The following LSAMP variants were observed in gnomAD, a reference collection of about 807,000 sequenced individuals.
The protein encoded by LSAMP is limbic system-associated membrane protein.
LSAMP carries 7 observed loss-of-function variants against 38.6 expected under a neutral mutation model. The observed-to-expected ratio is 0.18, with a 90% CI of 0.10 to 0.34. LSAMP has a LOEUF of 0.34. Ranked by LOEUF, LSAMP falls within the 10% of genes least tolerant of loss-of-function variation. The pLI, the probability that LSAMP is intolerant of heterozygous loss-of-function variation, is 1.00. For synonymous variants in LSAMP, 154 were observed against 166.8 expected, an observed-to-expected ratio of 0.92 and a Z score of 0.59; for missense variants, 313 against 420.0, an observed-to-expected ratio of 0.75 and a Z score of 2.23.
intron 3 of LSAMP, among the ~76,000 whole-genome samples, chr3:115,929,208 C>CA (rs1190531362): frequency 6.6e-6 from 1 of 151,520 alleles, no homozygotes; most frequent in Admixed American, 6.6e-5. Context: ...CTAGTCAAAA[C>CA]AAAAAACAAA....
intron 1 of LSAMP, among the ~76,000 whole-genome samples, chr3:116,226,481 T>G (rs1169129915): frequency 1.3e-5 from 2 of 152,204 alleles, no homozygotes; most frequent in Admixed American, 1.3e-4. Flanking sequence ...CAGAAGCTGT[T>G]CTCTGTCAGC....
At chr3:116,352,472 G>A (rs9829157) in intron 1 of LSAMP, among the ~76,000 whole-genome samples, 1 of 151,982 alleles carries the variant, frequency 6.6e-6, no homozygotes, top group Non-Finnish European at 1.5e-5. Flanking sequence ...CTGAGGAAAG[G>A]CAAGCCAACC....
At chr3:115,969,127 A>G (rs1447775473) in intron 3 of LSAMP, among the ~76,000 whole-genome samples, 1 of 152,176 alleles carries the variant, frequency 6.6e-6, no homozygotes. Context: ...CAGTGATATG[A>G]GGATAAAACC....
intron 3 of LSAMP, among the ~76,000 whole-genome samples, chr3:115,934,237 G>GGTGCC (rs1214162700): frequency 6.7e-6 from 1 of 150,042 alleles, no homozygotes; most frequent in Non-Finnish European, 1.5e-5. Context: ...GGAGTGCAGT[G>GGTGCC]GTGCCATCTT....
chr3:116,033,214 T>G (rs1940967821), intron 2 of LSAMP, among the ~76,000 whole-genome samples: 1 of 152,174 alleles, frequency 6.6e-6, no homozygotes, highest in Non-Finnish European at 1.5e-5. Flanking sequence ...GAAATGGTCT[T>G]TCTCCTCTCT....
chr3:116,253,943 T>C (rs1183331393), intron 1 of LSAMP, among the ~76,000 whole-genome samples: 1 of 152,118 alleles, frequency 6.6e-6, no homozygotes, highest in Non-Finnish European at 1.5e-5. Context: ...TCTTCCCAAT[T>C]TAAATACCAT....
chr3:116,176,714 T>C (rs1710353430), intron 1 of LSAMP, among the ~76,000 whole-genome samples: 2 of 152,164 alleles, frequency 1.3e-5, no homozygotes, highest in African/African-American at 2.4e-5. Context: ...ACTCAGTAGA[T>C]ACTTACAGGA....
At chr3:115,967,824 A>T (rs1371168397) in intron 3 of LSAMP, among the ~76,000 whole-genome samples, 1 of 151,858 alleles carries the variant, frequency 6.6e-6, no homozygotes, top group Non-Finnish European at 1.5e-5. Flanking sequence ...GGAAAGGCCT[A>T]CCCCCATCAT....
chr3:115,810,466 T>G, intron 6 of LSAMP, 52 bp from the exon 7 acceptor site: 1 of 1,207,000 alleles, frequency 8.3e-7, no homozygotes, highest in Non-Finnish European at 1.2e-6. Flanking sequence ...ATGGGCCCAC[T>G]GTATGTTATA....
At chr3:116,413,416 T>C (rs1327599344) in intron 1 of LSAMP, among the ~76,000 whole-genome samples, 1 of 152,086 alleles carries the variant, frequency 6.6e-6, no homozygotes, top group Non-Finnish European at 1.5e-5. Context: ...AGCACTGTCC[T>C]AGTCTTTGCA....
intron 1 of LSAMP, among the ~76,000 whole-genome samples, chr3:116,366,117 A>T (rs2048350091): frequency 6.6e-6 from 1 of 151,042 alleles, no homozygotes; most frequent in Non-Finnish European, 1.5e-5. Context: ...TTTGCAGTCT[A>T]TCCATCTCAC....
At chr3:116,273,370 G>C (rs1436217700) in intron 1 of LSAMP, among the ~76,000 whole-genome samples, 3 of 151,884 alleles carry the variant, frequency 2.0e-5, no homozygotes, top group South Asian at 4.2e-4. Context: ...ATAGAAAACT[G>C]AGAGAAGTAG....
At chr3:116,329,850 G>GA (rs766984264) in intron 1 of LSAMP, among the ~76,000 whole-genome samples, 1 of 150,724 alleles carries the variant, frequency 6.6e-6, no homozygotes, top group Non-Finnish European at 1.5e-5. Context: ...AAATAAAACA[G>GA]AAAAAAAAGC....
intron 1 of LSAMP, among the ~76,000 whole-genome samples, chr3:116,235,689 T>C (rs1236129108): frequency 6.6e-6 from 1 of 152,204 alleles, no homozygotes; most frequent in Non-Finnish European, 1.5e-5. Context: ...AGAATAATTA[T>C]TGCAAAAAGC....
chr3:116,102,700 T>G (rs1425629061), intron 1 of LSAMP, among the ~76,000 whole-genome samples: 2 of 152,252 alleles, frequency 1.3e-5, no homozygotes, highest in Non-Finnish European at 2.9e-5. Context: ...TTCCTGAGTC[T>G]TCAGCTTATT....
At chr3:116,353,269 AC>A in intron 1 of LSAMP, among the ~76,000 whole-genome samples, 1 of 152,140 alleles carries the variant, frequency 6.6e-6, no homozygotes, top group Non-Finnish European at 1.5e-5. Flanking sequence ...GAAAATTTAG[AC>A]AAAGATAAAT....
At chr3:116,396,997 T>A (rs1369550529) in intron 1 of LSAMP, among the ~76,000 whole-genome samples, 1 of 152,236 alleles carries the variant, frequency 6.6e-6, no homozygotes, top group Non-Finnish European at 1.5e-5. Flanking sequence ...CATGCTATCA[T>A]GATTACAATG....
At chr3:116,206,307 A>G (rs1278332108) in intron 1 of LSAMP, among the ~76,000 whole-genome samples, 3 of 149,072 alleles carry the variant, frequency 2.0e-5, no homozygotes, top group Non-Finnish European at 4.5e-5. Flanking sequence ...TTTCTTTATT[A>G]GTCTTGCTAG....
intron 2 of LSAMP, among the ~76,000 whole-genome samples, chr3:116,043,485 G>T (rs577109171): frequency 1.3e-5 from 2 of 152,182 alleles, no homozygotes; most frequent in East Asian, 3.9e-4. Context: ...CCCACACAAG[G>T]CAACAAAATG....
Sources: allele counts gnomAD v4.1 joint callset (sites outside exome capture counted in the v4.1 genomes callset), GRCh38; gene constraint gnomAD v4.1.1; transcripts MANE v1.5; gene names NCBI Gene and HGNC (gene_info 2026-07-23, HGNC 2026-07-21).